The following ITFG1 variants were observed in gnomAD, a reference collection of about 807,000 sequenced individuals.
The protein encoded by ITFG1 is integrin alpha FG-GAP repeat containing 1.
ITFG1 carries 34 observed loss-of-function variants against 81.8 expected under a neutral mutation model. That is an observed-to-expected ratio of 0.42 (90% CI 0.32 to 0.55). The LOEUF is 0.55. Ranked by LOEUF, ITFG1 falls within the 20% of genes least tolerant of loss-of-function variation. The pLI is 0.17. For missense variants in ITFG1, 672 were observed against 755.4 expected (o/e 0.89, Z 1.29); for synonymous variants, 285 against 270.6 (o/e 1.05, Z -0.52).
At position 47,276,251 on chromosome 16, in the gene ITFG1, T is replaced by C. The variant is rs1966397684; in HGVS notation, c.1071-15556A>G. ...CAATAGCCTCCTTAAATTTCAATAATAGTCATTAGAAAAGTAATAGGAAAA... is the reference window on the plus strand; with the variant it reads ...CAATAGCCTCCTTAAATTTCAATAACAGTCATTAGAAAAGTAATAGGAAAA... On this transcript the variant is annotated intron_variant, in intron 10 of 17. Coordinates refer to ENST00000320640, the MANE Select transcript of ITFG1 (RefSeq NM_030790.5). Among the ~76,000 whole-genome samples, 5 of 151,942 alleles carry C rather than the reference T, an allele frequency of 3.3e-5. No homozygotes were observed. In the South Asian group the frequency reaches 1.0e-3, roughly 31 times the overall value.
chr16:47,330,872 T>C (rs952707399), intron 8 of ITFG1, among the ~76,000 whole-genome samples: 7 of 152,124 alleles, frequency 4.6e-5, no homozygotes, highest in African/African-American at 1.7e-4. Context: ...ACACTGTTGG[T>C]GGAAATGTAA....
At chr16:47,456,065 A>G (rs895097379) in intron 2 of ITFG1, among the ~76,000 whole-genome samples, 18 of 152,034 alleles carry the variant, frequency 1.2e-4, no homozygotes, top group Non-Finnish European at 2.2e-4. Context: ...TAAGTAAAGA[A>G]TAATCATTCC....
intron 14 of ITFG1, among the ~76,000 whole-genome samples, chr16:47,210,348 AATGTCTCTTC>A (rs1466115118): frequency 6.6e-6 from 1 of 152,096 alleles, no homozygotes; most frequent in East Asian, 1.9e-4. Flanking sequence ...TCTTCAGTGA[AATGTCTCTTC>A]ATGTCTCTTG....
In ITFG1 at chr16:47,250,160, AGAC is replaced by A. The variant is rs572627489; in HGVS notation, c.1330+8469_1330+8471del. 4.9e-4 allele frequency among the ~76,000 whole-genome samples: 74 copies of A among 152,304 alleles called. No individual in the cohort carries two copies. The South Asian group carries it at 0.012, about 24-fold the overall frequency. ...CTGCTTCCAGACATTCTTGTCATTT[AGAC>A]GACATTATTTTAGATATTCTATGGA... On this transcript the variant is annotated intron_variant, in intron 12 of 17. Coordinates refer to ENST00000320640, the MANE Select transcript of ITFG1 (RefSeq NM_030790.5).
chr16:47,337,771 G>A (rs1355135311), intron 8 of ITFG1, among the ~76,000 whole-genome samples: 1 of 152,180 alleles, frequency 6.6e-6, no homozygotes. Context: ...GTATGGTGGC[G>A]TTCAGAAAAC....
At chr16:47,192,655 C>T (rs750548464) in intron 14 of ITFG1, among the ~76,000 whole-genome samples, 6 of 152,212 alleles carry the variant, frequency 3.9e-5, no homozygotes. Context: ...TCACTTCTCT[C>T]ATGTCAGTTA....
intron 13 of ITFG1, among the ~76,000 whole-genome samples, chr16:47,237,157 G>C (rs1965886578): frequency 6.6e-6 from 1 of 151,952 alleles, no homozygotes; most frequent in African/African-American, 2.4e-5. Flanking sequence ...CCTGTGTCAG[G>C]GTCTGTTTCT....
At chr16:47,364,694 A>C (rs1020680151) in intron 8 of ITFG1, among the ~76,000 whole-genome samples, 2 of 152,230 alleles carry the variant, frequency 1.3e-5, no homozygotes, top group Middle Eastern at 3.2e-3. Context: ...ATACAGGACA[A>C]CATAGAGATT....
intron 14 of ITFG1, among the ~76,000 whole-genome samples, chr16:47,174,072 CAA>C (rs941363212): frequency 6.6e-6 from 1 of 151,868 alleles, no homozygotes. Flanking sequence ...CAAAAACAAA[CAA>C]AAAAAGTTTT....
At chr16:47,249,527 T>A (rs908865117) in intron 12 of ITFG1, among the ~76,000 whole-genome samples, 1 of 152,202 alleles carries the variant, frequency 6.6e-6, no homozygotes, top group Non-Finnish European at 1.5e-5. Flanking sequence ...TCCTAGGGAC[T>A]TTTAAAACCA....
At chr16:47,441,307 G>A (rs1969246956) in intron 5 of ITFG1, among the ~76,000 whole-genome samples, 1 of 152,138 alleles carries the variant, frequency 6.6e-6, no homozygotes, top group Non-Finnish European at 1.5e-5. Flanking sequence ...GAAAAAGAGG[G>A]AATCCTCCCT....
intron 10 of ITFG1, among the ~76,000 whole-genome samples, chr16:47,283,448 T>A (rs935538201): frequency 2.6e-4 from 39 of 152,202 alleles, no homozygotes; most frequent in African/African-American, 8.2e-4. Flanking sequence ...TGTGTGTCTA[T>A]TTTTATAGCA....
chr16:47,186,871 C>A (rs1247560579), intron 14 of ITFG1, among the ~76,000 whole-genome samples: 1 of 152,180 alleles, frequency 6.6e-6, no homozygotes, highest in South Asian at 2.1e-4. Context: ...CCCATTGTCT[C>A]AGCCCAAAAT....
intron 6 of ITFG1, among the ~76,000 whole-genome samples, chr16:47,411,276 C>T (rs1054077821): frequency 7.9e-5 from 12 of 152,128 alleles, no homozygotes; most frequent in Admixed American, 1.3e-4. Context: ...GGAAGGGTGT[C>T]GCCCATATGC....
chr16:47,242,199 C>G (rs1250249188), intron 12 of ITFG1, among the ~76,000 whole-genome samples: 1 of 151,700 alleles, frequency 6.6e-6, no homozygotes, highest in Non-Finnish European at 1.5e-5. Flanking sequence ...AGGGGGTGAA[C>G]TTTTTGTAAT....
intron 14 of ITFG1, among the ~76,000 whole-genome samples, chr16:47,188,323 T>C (rs1965250147): frequency 6.6e-6 from 1 of 152,114 alleles, no homozygotes; most frequent in South Asian, 2.1e-4. Flanking sequence ...CGTATGTTTA[T>C]TGCGGCATTA....
intron 14 of ITFG1, among the ~76,000 whole-genome samples, chr16:47,184,842 TAAAG>T (rs1555503000): frequency 6.6e-6 from 1 of 152,036 alleles, no homozygotes; most frequent in Non-Finnish European, 1.5e-5. Context: ...GCAAATTGGA[TAAAG>T]AGTCAAGACC....
intron 14 of ITFG1, among the ~76,000 whole-genome samples, chr16:47,205,882 ATCTATCTGAG>A (rs1226488928): frequency 6.1e-5 from 8 of 132,146 alleles, no homozygotes; most frequent in Non-Finnish European, 1.3e-4. Flanking sequence ...CTATCTATCT[ATCTATCTGAG>A]TCTAACTTTG....
At chr16:47,243,847 A>G (rs1354132140) in intron 12 of ITFG1, among the ~76,000 whole-genome samples, 1 of 152,300 alleles carries the variant, frequency 6.6e-6, no homozygotes, top group South Asian at 2.1e-4. Flanking sequence ...CCTGGCCAAC[A>G]TGGTGAAACT....
Sources: allele counts gnomAD v4.1 joint callset (sites outside exome capture counted in the v4.1 genomes callset), GRCh38; gene constraint gnomAD v4.1.1; transcripts MANE v1.5; gene names NCBI Gene and HGNC (gene_info 2026-07-23, HGNC 2026-07-21).